DTNBP1: variants seen among roughly 807,000 people sequenced by gnomAD.
DTNBP1 encodes dystrobrevin binding protein 1.
Under a neutral mutation model 42.8 loss-of-function variants are expected in DTNBP1, and 35 were observed. That is an observed-to-expected ratio of 0.82 (90% confidence interval 0.63 to 1.09). DTNBP1 has a LOEUF of 1.09. Among genes scored for constraint, DTNBP1 ranks in the 50% least tolerant of loss-of-function variants. DTNBP1 has a pLI of 0.00. For synonymous variants in DTNBP1, 171 were observed against 162.2 expected (o/e 1.05, Z -0.41); for missense variants, 457 against 424.2 (o/e 1.08, Z -0.68).
intron 8 of DTNBP1, among the ~76,000 whole-genome samples, chr6:15,529,648 C>G (rs904238745): frequency 2.0e-5 from 3 of 152,248 alleles, no homozygotes; most frequent in Non-Finnish European, 2.9e-5. Flanking sequence ...TTCAGAAACA[C>G]AAGAGCCTGA....
chr6:15,563,803 A>G (rs1171065196), intron 7 of DTNBP1, among the ~76,000 whole-genome samples: 1 of 152,142 alleles, frequency 6.6e-6, no homozygotes, highest in Non-Finnish European at 1.5e-5. Context: ...CACACCTACA[A>G]TCCCAGCACT....
rs564884256 is a variant in DTNBP1 at position 15,652,720 on chromosome 6, T to A, written c.57-580A>T. Among the ~76,000 whole-genome samples the A allele has an allele frequency of 2.2e-4, 33 of 152,216 alleles. 1 individual carries two copies. The highest frequency in any genetic ancestry group is 7.2e-4 in the African/African-American group (30 of 41,542). On this transcript the variant is annotated intron_variant, in intron 1 of 9. Coordinates refer to ENST00000344537, the MANE Select transcript of DTNBP1 (RefSeq NM_032122.5). The stretch of plus-strand genomic sequence containing the variant: ...GTAGCTTACTGTAACCTCAAACTCT[T>A]GGGCTCAAGCAATCTTCCCACCTCA...
intron 7 of DTNBP1, among the ~76,000 whole-genome samples, chr6:15,537,575 G>GT (rs1388842637): frequency 6.6e-6 from 1 of 152,134 alleles, no homozygotes; most frequent in Non-Finnish European, 1.5e-5. Flanking sequence ...TTGGCTCTGT[G>GT]TCCCCACCCA....
At chr6:15,662,195 T>C (rs1761675474) in intron 1 of DTNBP1, among the ~76,000 whole-genome samples, 2 of 152,264 alleles carry the variant, frequency 1.3e-5, no homozygotes, top group East Asian at 3.9e-4. Flanking sequence ...CTGTCGCTTC[T>C]CCTGCTTAGG....
Position 15,652,001 on chromosome 6 carries a change from A to T in DTNBP1, c.110+86T>A, listed in dbSNP as rs1761027081. On this transcript the variant is annotated intron_variant, in intron 2 of 9. Coordinates refer to ENST00000344537, the MANE Select transcript of DTNBP1 (RefSeq NM_032122.5). ...GATGCACTCAACAAATCTAAGGTTC[A>T]TTAATATAACTACACAATTGTGAAT... 3.3e-6 allele frequency: 4 copies of T among 1,195,830 alleles called. No homozygotes were observed. In the South Asian group the frequency reaches 3.9e-5, roughly 12 times the overall value. 74.1% of individuals were successfully genotyped at this position (1,195,830 alleles called of 1,614,324 possible). A position where few individuals can be genotyped will look rare whatever the true frequency, so the allele number is the denominator to read the frequency against.
At chr6:15,536,207 A>G (rs1335806442) in intron 7 of DTNBP1, among the ~76,000 whole-genome samples, 1 of 152,252 alleles carries the variant, frequency 6.6e-6, no homozygotes, top group African/African-American at 2.4e-5. Context: ...TCTGGGGAGA[A>G]ATTCAAGCCA....
At chr6:15,596,911 C>T (rs756569328) in intron 6 of DTNBP1, among the ~76,000 whole-genome samples, 3 of 152,192 alleles carry the variant, frequency 2.0e-5, no homozygotes, top group Non-Finnish European at 4.4e-5. Flanking sequence ...CCCTCATTCT[C>T]CATCCAATTC....
intron 3 of DTNBP1, among the ~76,000 whole-genome samples, chr6:15,644,970 A>G (rs534471175): frequency 2.3e-4 from 35 of 152,194 alleles, no homozygotes; most frequent in African/African-American, 8.2e-4. Flanking sequence ...AAAACCATAC[A>G]AAGTATCAAC....
At position 15,554,111 on chromosome 6, in the gene DTNBP1, T is replaced by C. The variant is rs1774377679; in HGVS notation, c.512-20716A>G. 2.0e-5 allele frequency among the ~76,000 whole-genome samples: 3 copies of C among 152,222 alleles called. No homozygotes were observed. In the South Asian group the frequency reaches 6.2e-4, roughly 32 times the overall value. On this transcript the variant is annotated intron_variant, in intron 7 of 9. Coordinates refer to ENST00000344537, the MANE Select transcript of DTNBP1 (RefSeq NM_032122.5). Reference sequence around the variant, plus strand: ...ACATCATACTCTTTGTCCAGTCATATTTCTACACAGCTGTCCACTCTTCAT... The same window carrying C: ...ACATCATACTCTTTGTCCAGTCATACTTCTACACAGCTGTCCACTCTTCAT...
chr6:15,602,441 AG>A (rs1776767844), intron 6 of DTNBP1, among the ~76,000 whole-genome samples: 1 of 152,250 alleles, frequency 6.6e-6, no homozygotes, highest in Non-Finnish European at 1.5e-5. Flanking sequence ...CAGAAAAGTG[AG>A]AAAAGCATAG....
At chr6:15,530,971 G>A (rs1020254081) in intron 8 of DTNBP1, among the ~76,000 whole-genome samples, 10 of 152,264 alleles carry the variant, frequency 6.6e-5, no homozygotes, top group East Asian at 3.9e-4. Context: ...GATATTTGGA[G>A]CTGGGGCCTT....
At chr6:15,658,947 G>T (rs1761434541) in intron 1 of DTNBP1, among the ~76,000 whole-genome samples, 3 of 152,322 alleles carry the variant, frequency 2.0e-5, no homozygotes, top group Admixed American at 2.0e-4. Flanking sequence ...CAGGAAGAAT[G>T]TGATGTAATC....
intron 6 of DTNBP1, among the ~76,000 whole-genome samples, chr6:15,614,509 G>A (rs1399572968): frequency 6.6e-6 from 1 of 152,144 alleles, no homozygotes; most frequent in Non-Finnish European, 1.5e-5. Context: ...ATGACAGTCT[G>A]TCTCATGTCC....
chr6:15,613,479 G>C (rs1758547428), intron 6 of DTNBP1, among the ~76,000 whole-genome samples: 1 of 144,470 alleles, frequency 6.9e-6, no homozygotes, highest in South Asian at 2.2e-4. Flanking sequence ...CCATTCTCCT[G>C]CCTCAGCCTC....
intron 1 of DTNBP1, among the ~76,000 whole-genome samples, chr6:15,661,658 G>T: frequency 6.8e-6 from 1 of 147,496 alleles, no homozygotes; most frequent in African/African-American, 2.5e-5. Flanking sequence ...AAAAAAGGGG[G>T]GTGGGGGGGA....
chr6:15,529,551 C>CA (rs1561937129), intron 8 of DTNBP1, among the ~76,000 whole-genome samples: 3 of 152,320 alleles, frequency 2.0e-5, no homozygotes, highest in Non-Finnish European at 4.4e-5. Context: ...GCACTGGGTC[C>CA]ACGCTGGAGC....
At chr6:15,532,470 A>G (rs911540909) in intron 8 of DTNBP1, among the ~76,000 whole-genome samples, 1 of 152,128 alleles carries the variant, frequency 6.6e-6, no homozygotes, top group African/African-American at 2.4e-5. Context: ...TTTTAACAAC[A>G]GGCGGAAAGA....
At chr6:15,538,329 G>C (rs181031339) in intron 7 of DTNBP1, among the ~76,000 whole-genome samples, 10 of 152,288 alleles carry the variant, frequency 6.6e-5, no homozygotes, top group Non-Finnish European at 1.3e-4. Flanking sequence ...CTGGGGCTGA[G>C]AGCATCCCCG....
intron 7 of DTNBP1, among the ~76,000 whole-genome samples, chr6:15,574,374 T>C (rs1775474639): frequency 1.3e-5 from 2 of 152,164 alleles, no homozygotes; most frequent in South Asian, 4.1e-4. Flanking sequence ...TTTCAGTATA[T>C]GCAGGAGTTG....
Sources: gnomAD v4.1 joint callset for allele counts (sites outside exome capture counted in the v4.1 genomes callset) on GRCh38, gnomAD v4.1.1 for gene constraint, MANE v1.5 for transcripts, NCBI Gene and HGNC (gene_info 2026-07-23, HGNC 2026-07-21) for gene names.